CAT: variants seen among roughly 807,000 people sequenced by gnomAD.
CAT encodes the protein catalase.
A neutral mutation model predicts 59.0 loss-of-function variants in CAT; 43 were observed. The ratio of observed to expected loss-of-function variants is 0.73; its 90% confidence interval spans 0.57 to 0.94. CAT has a LOEUF of 0.94. CAT is among the 40% of genes least tolerant of loss of function. The probability of loss-of-function intolerance (pLI) is 0.00; values close to 1 mark genes in which losing one functional copy is unlikely to be tolerated. For synonymous variants in CAT, 218 were observed against 230.9 expected, an observed-to-expected ratio of 0.94 and a Z score of 0.51; for missense variants, 664 against 682.9, an observed-to-expected ratio of 0.97 and a Z score of 0.31.
At chr11:34,465,769 A>G (rs1036314871) in intron 10 of CAT, among the ~76,000 whole-genome samples, 11 of 152,338 alleles carry the variant, frequency 7.2e-5, no homozygotes, top group Middle Eastern at 3.4e-3. Flanking sequence ...GCATCTGTCT[A>G]TGGCAGACTA....
intron 1 of CAT, 84 bp from the exon 2 acceptor site, chr11:34,449,108 T>C: frequency 1.7e-6 from 2 of 1,207,648 alleles, no homozygotes; most frequent in Non-Finnish European, 1.2e-6. Flanking sequence ...GGTATAAACA[T>C]TGCAAAGCTA....
chr11:34,445,515 A>G (rs953997494), intron 1 of CAT, among the ~76,000 whole-genome samples: 14 of 150,400 alleles, frequency 9.3e-5, no homozygotes, highest in African/African-American at 3.4e-4. Flanking sequence ...AAAAAAAAAA[A>G]AAAAAAAGAA....
In CAT at chr11:34,471,693, A is replaced by T. The variant is rs1055945697; in HGVS notation, c.*260A>T. ...GGATTATTCATTTAAAATGATTAGA[A>T]GGCAAGTTTCTAGCTAGAAATATGA... On this transcript the variant is annotated 3_prime_UTR_variant, in exon 13 of 13. Transcript: ENST00000241052. 1.8e-5 allele frequency: 9 copies of T among 495,526 alleles called. No homozygotes were observed. The highest frequency in any genetic ancestry group is 1.5e-4 in the African/African-American group (8 of 51,748). The allele number at this position is 495,526 out of a possible 1,614,324, so 30.7% of individuals were successfully genotyped here. A position where few individuals can be genotyped will look rare whatever the true frequency, so the allele number is the denominator to read the frequency against.
intron 1 of CAT, among the ~76,000 whole-genome samples, chr11:34,443,704 T>G (rs144155580): frequency 1.1e-4 from 16 of 152,332 alleles, no homozygotes; most frequent in African/African-American, 7.2e-5. Flanking sequence ...TTTTATACAG[T>G]TCTCTTATTA....
intron 10 of CAT, 117 bp downstream of exon 10, chr11:34,464,352 A>G: frequency 9.4e-7 from 1 of 1,063,800 alleles, no homozygotes. Context: ...AATTGAATTC[A>G]AGGAAGACTC....
chr11:34,444,037 A>C (rs973377774), intron 1 of CAT, among the ~76,000 whole-genome samples: 1 of 152,086 alleles, frequency 6.6e-6, no homozygotes. Context: ...GGTCTATGCA[A>C]ACCTACCCCC....
At chr11:34,461,687 C>T (rs1590307137) in intron 9 of CAT, among the ~76,000 whole-genome samples, 1 of 152,368 alleles carries the variant, frequency 6.6e-6, no homozygotes, top group Admixed American at 6.5e-5. Flanking sequence ...GGCTAGAGTA[C>T]AGTAACATCC....
intron 8 of CAT, among the ~76,000 whole-genome samples, chr11:34,458,269 C>T (rs1590305387): frequency 6.6e-6 from 1 of 152,172 alleles, no homozygotes; most frequent in Non-Finnish European, 1.5e-5. Flanking sequence ...CAGTCACTCT[C>T]TCCTGAATGA....
intron 1 of CAT, among the ~76,000 whole-genome samples, chr11:34,439,836 C>G (rs897081307): frequency 6.6e-6 from 1 of 152,112 alleles, no homozygotes; most frequent in Non-Finnish European, 1.5e-5. Flanking sequence ...TACACTCCAG[C>G]GTGGTGAGGG....
At chr11:34,447,836 A>G (rs2133180048) in intron 1 of CAT, among the ~76,000 whole-genome samples, 1 of 152,268 alleles carries the variant, frequency 6.6e-6, no homozygotes, top group East Asian at 1.9e-4. Context: ...TGCAGATGAA[A>G]ATGGAGACTC....
chr11:34,470,352 G>A (rs1856760690), intron 11 of CAT, among the ~76,000 whole-genome samples: 1 of 152,156 alleles, frequency 6.6e-6, no homozygotes, highest in Non-Finnish European at 1.5e-5. Flanking sequence ...CTAGCTCCTG[G>A]ATGTGTGCAC....
Position 34,456,711 on chromosome 11 carries a change from T to A in CAT, c.950T>A (p.Val317Asp). 3 of 1,613,876 alleles carry A rather than the reference T, an allele frequency of 1.9e-6. No homozygotes were observed. The highest frequency in any genetic ancestry group is 2.5e-6 in the Non-Finnish European group (3 of 1,179,728). ...DYPLIPVGKL[V>D]LNRNPVNYFA... ...CCTCTCATCCCAGTTGGTAAACTGG[T>A]CTTAAACCGGAATCCAGTTAATTAC... The change falls in exon 8 of 13, where the codon GTC (valine) becomes GAC (aspartate). Residue 317 changes from valine to aspartate, a missense_variant. Val to Asp is a radical substitution (Grantham distance 152). Coordinates refer to ENST00000241052, the MANE Select transcript of CAT (RefSeq NM_001752.4).
At chr11:34,471,333 G>A in intron 12 of CAT, 35 bp from the exon 13 acceptor site, 5 of 1,541,540 alleles carry the variant, frequency 3.2e-6, no homozygotes, top group South Asian at 2.2e-5. Context: ...TGCCCATGAG[G>A]TGATTAACCT....
intron 1 of CAT, among the ~76,000 whole-genome samples, chr11:34,447,734 A>G (rs1856474744): frequency 6.6e-6 from 1 of 152,256 alleles, no homozygotes; most frequent in African/African-American, 2.4e-5. Context: ...CAGTGAAGTG[A>G]CAGCATATAT....
intron 8 of CAT, among the ~76,000 whole-genome samples, chr11:34,458,069 G>A (rs1856611516): frequency 6.6e-6 from 1 of 152,252 alleles, no homozygotes. Context: ...AAGGCAGAAT[G>A]CCATGGTGAT....
At chr11:34,467,467 T>A (rs1466489328) in intron 10 of CAT, among the ~76,000 whole-genome samples, 1 of 151,282 alleles carries the variant, frequency 6.6e-6, no homozygotes, top group Non-Finnish European at 1.5e-5. Context: ...TGATGACTTA[T>A]GGAAATGATG....
chr11:34,460,147 A>G (rs1856632531), intron 8 of CAT, among the ~76,000 whole-genome samples: 1 of 152,216 alleles, frequency 6.6e-6, no homozygotes, highest in Non-Finnish European at 1.5e-5. Flanking sequence ...TGGAAGAAAA[A>G]TTGCTCATAG....
rs758333765 is a variant in CAT at position 34,456,027 on chromosome 11, A to G, written c.728A>G (p.Lys243Arg). ...KFHYKTDQGI[K>R]NLSVEDAARL... ...ATTTTGTAGACTGACCAGGGCATCA[A>G]AAACCTTTCTGTTGAAGATGCGGCG... The change falls in exon 7 of 13, where the codon AAA becomes AGA. Residue 243 changes from lysine (K) to arginine (R), a missense_variant. Transcript: ENST00000241052. The G allele has an allele frequency of 8.1e-6, 13 of 1,614,026 alleles. No homozygotes were observed. Among genetic ancestry groups the G allele is most frequent in the Middle Eastern group, 3.3e-4 (2 of 6,082 alleles).
intron 4 of CAT, 50 bp downstream of exon 4, chr11:34,452,257 G>C: frequency 6.3e-7 from 1 of 1,575,466 alleles, no homozygotes; most frequent in South Asian, 1.1e-5. Flanking sequence ...GACTTAAATT[G>C]ATTTCAAATA....
Sources: gnomAD v4.1 joint callset for allele counts (sites outside exome capture counted in the v4.1 genomes callset) on GRCh38, gnomAD v4.1.1 for gene constraint, MANE v1.5 for transcripts, NCBI Gene and HGNC (gene_info 2026-07-23, HGNC 2026-07-21) for gene names.